MYCBP2: variants seen among roughly 807,000 people sequenced by gnomAD.
MYCBP2 encodes the protein MYC binding protein 2.
A neutral mutation model predicts 525.3 loss-of-function variants in MYCBP2; 120 were observed. The ratio of observed to expected loss-of-function variants is 0.23; its 90% CI spans 0.20 to 0.27. The LOEUF is 0.27. Among genes scored for constraint, MYCBP2 ranks in the 10% least tolerant of loss-of-function variants. The pLI is 1.00. For synonymous variants in MYCBP2, 1,894 were observed against 1,955.8 expected (o/e 0.97, Z 0.83); for missense variants, 4,149 against 5,657.1 (o/e 0.73, Z 8.55).
chr13:77,148,655 A>ATG (rs2056001425), intron 47 of MYCBP2, among the ~76,000 whole-genome samples: 2 of 152,234 alleles, frequency 1.3e-5, no homozygotes, highest in South Asian at 4.1e-4. Flanking sequence ...TGTTTTATCC[A>ATG]TGCTCATATG....
chr13:77,118,906 C>T (rs964478961), intron 55 of MYCBP2, among the ~76,000 whole-genome samples: 16 of 152,258 alleles, frequency 1.1e-4, no homozygotes, highest in African/African-American at 3.4e-4. Flanking sequence ...CCTGCCTCAT[C>T]GGCAGTATAT....
chr13:77,260,341 C>A, intron 13 of MYCBP2, 87 bp downstream of exon 13: 1 of 885,874 alleles, frequency 1.1e-6, no homozygotes. Context: ...AGCATGCCAC[C>A]AACATAAATT....
At chr13:77,248,831 AC>A (rs1481711856) in intron 15 of MYCBP2, among the ~76,000 whole-genome samples, 1 of 152,320 alleles carries the variant, frequency 6.6e-6, no homozygotes, top group Non-Finnish European at 1.5e-5. Context: ...ACAGCGCATT[AC>A]TCACAATAGT....
intron 45 of MYCBP2, among the ~76,000 whole-genome samples, chr13:77,156,628 G>C (rs1046657749): frequency 6.6e-6 from 1 of 152,176 alleles, no homozygotes; most frequent in South Asian, 2.1e-4. Flanking sequence ...GGGTAGAAAT[G>C]GCCCTCTACT....
At chr13:77,266,162 G>A (rs186468047) in intron 8 of MYCBP2, among the ~76,000 whole-genome samples, 1 of 152,218 alleles carries the variant, frequency 6.6e-6, no homozygotes, top group East Asian at 1.9e-4. Flanking sequence ...TAAATGTGCA[G>A]GGTTTCTCAG....
chr13:77,307,841 G>A (rs76095813), intron 1 of MYCBP2, among the ~76,000 whole-genome samples: 15 of 151,860 alleles, frequency 9.9e-5, no homozygotes, highest in African/African-American at 1.7e-4. Context: ...CCCCTGTCCC[G>A]CCAGCTTCTA....
At chr13:77,103,148 C>A (rs578066549) in intron 55 of MYCBP2, 1 of 396,768 alleles carries the variant, frequency 2.5e-6, no homozygotes. Flanking sequence ...ACGGAAACAT[C>A]TTTAATGACA....
At chr13:77,146,847 T>C (rs566055771) in intron 47 of MYCBP2, among the ~76,000 whole-genome samples, 27 of 152,312 alleles carry the variant, frequency 1.8e-4, no homozygotes, top group Admixed American at 3.3e-4. Context: ...CAATACTTAA[T>C]GTAGTTGTAG....
At chr13:77,213,818 CTA>C (rs1365597250) in intron 21 of MYCBP2, among the ~76,000 whole-genome samples, 1 of 152,222 alleles carries the variant, frequency 6.6e-6, no homozygotes, top group Non-Finnish European at 1.5e-5. Context: ...GCAAACAAAT[CTA>C]TATGTGACTC....
chr13:77,182,910 C>CT (rs1331036269), intron 32 of MYCBP2, among the ~76,000 whole-genome samples: 3 of 152,084 alleles, frequency 2.0e-5, no homozygotes, highest in Non-Finnish European at 4.4e-5. Context: ...TTGTAAATAT[C>CT]TTTTTATCAG....
intron 65 of MYCBP2, among the ~76,000 whole-genome samples, chr13:77,079,124 C>T (rs1192305597): frequency 6.6e-6 from 1 of 152,124 alleles, no homozygotes; most frequent in Non-Finnish European, 1.5e-5. Flanking sequence ...TCTCTCACAG[C>T]TTGACATTCC....
chr13:77,068,803 C>T lies in MYCBP2; in HGVS notation c.11933G>A (p.Arg3978His), dbSNP rs761848101. 1.2e-6 allele frequency: 2 copies of T among 1,613,930 alleles called. No homozygotes were observed. Among genetic ancestry groups the T allele is most frequent in the Non-Finnish European group, 1.7e-6 (2 of 1,179,998 alleles). ...TTCACGGACTCTGGTAGCTTCCATG[C>T]GAATAGCTTGGACAATATGAGCACA... ...QVCAHIVQAI[R>H]MEATRVREEW... The change falls in exon 70 of 83, where the codon CGC (arginine) becomes CAC (histidine). Residue 3978 changes from arginine to histidine, a missense_variant. Transcript: ENST00000544440.
At chr13:77,179,960 CAGAG>C (rs1261823271) in intron 34 of MYCBP2, among the ~76,000 whole-genome samples, 163 bp downstream of exon 34, 11 of 152,118 alleles carry the variant, frequency 7.2e-5, no homozygotes, top group African/African-American at 2.7e-4. Context: ...AGTAACAAAT[CAGAG>C]AAAGTAGGAG....
intron 1 of MYCBP2, among the ~76,000 whole-genome samples, chr13:77,311,583 T>A (rs2080237634): frequency 6.7e-6 from 1 of 149,858 alleles, no homozygotes; most frequent in African/African-American, 2.5e-5. Flanking sequence ...TTTTTTGTTT[T>A]TTTTTTAAAG....
At chr13:77,161,776 T>C (rs1595022542) in intron 44 of MYCBP2, 130 bp downstream of exon 44, 1 of 680,426 alleles carries the variant, frequency 1.5e-6, no homozygotes. Context: ...TATTTATCTC[T>C]ATAATGCCAA....
intron 17 of MYCBP2, among the ~76,000 whole-genome samples, chr13:77,240,610 A>G (rs2068673066): frequency 6.6e-6 from 1 of 152,168 alleles, no homozygotes; most frequent in African/African-American, 2.4e-5. Flanking sequence ...TTCATCTCAA[A>G]ATAAATAAAT....
intron 18 of MYCBP2, among the ~76,000 whole-genome samples, chr13:77,228,597 T>A (rs543025905): frequency 6.6e-6 from 1 of 151,982 alleles, no homozygotes; most frequent in South Asian, 2.1e-4. Flanking sequence ...TATAAAAAAT[T>A]AAACATTGTC....
rs774754035 is a variant in MYCBP2, at chr13:77,083,015, G to A, written c.11036+17C>T. The A allele has an allele frequency of 2.5e-6, 4 of 1,607,948 alleles. No homozygotes were observed. The highest frequency in any genetic ancestry group is 1.1e-5 in the South Asian group (1 of 90,216). ...CTCTTGTCCAATGTACCTAGGATAT[G>A]TGGATACCAAAATTACCTCAGGGCC... On this transcript the variant is annotated intron_variant, in intron 63 of 82. Coordinates refer to ENST00000544440, the MANE Select transcript of MYCBP2 (RefSeq NM_015057.5).
intron 65 of MYCBP2, 145 bp from the exon 66 acceptor site, chr13:77,079,034 C>A: frequency 1.6e-6 from 1 of 623,056 alleles, no homozygotes; most frequent in South Asian, 2.0e-5. Context: ...ATCCCTCCAA[C>A]TAACCACGGT....
Sources: gnomAD v4.1 joint callset for allele counts (sites outside exome capture counted in the v4.1 genomes callset) on GRCh38, gnomAD v4.1.1 for gene constraint, MANE v1.5 for transcripts, NCBI Gene and HGNC (gene_info 2026-07-23, HGNC 2026-07-21) for gene names.